GABRG3: variants seen among roughly 807,000 people sequenced by gnomAD.
The protein encoded by GABRG3 is gamma-aminobutyric acid type A receptor subunit gamma3.
GABRG3 carries 25 observed loss-of-function variants against 48.8 expected under a neutral mutation model. That is an observed-to-expected ratio of 0.51 (90% CI 0.37 to 0.72). The LOEUF (loss-of-function observed/expected upper bound fraction) is 0.72, where lower values mean the gene tolerates loss of function less well. GABRG3 is among the 30% of genes least tolerant of loss of function. The pLI is 0.00. For missense variants in GABRG3, 394 were observed against 577.9 expected, an observed-to-expected ratio of 0.68 and a Z score of 3.26; for synonymous variants, 227 against 217.6, an observed-to-expected ratio of 1.04 and a Z score of -0.38.
At chr15:26,988,295 G>T (rs184458252) in intron 2 of GABRG3, among the ~76,000 whole-genome samples, 16 of 152,216 alleles carry the variant, frequency 1.1e-4, no homozygotes, top group Non-Finnish European at 1.9e-4. Flanking sequence ...CAGTGTTTGA[G>T]TCATGAATTT....
intron 3 of GABRG3, chr15:27,158,537 A>G (rs538245874): frequency 2.6e-5 from 4 of 152,328 alleles, no homozygotes; most frequent in East Asian, 3.9e-4. Context: ...TTGTGCAATT[A>G]TAGCAGTAAT....
chr15:27,484,616 A>G (rs1890177387), intron 6 of GABRG3, among the ~76,000 whole-genome samples: 1 of 152,142 alleles, frequency 6.6e-6, no homozygotes, highest in Non-Finnish European at 1.5e-5. Context: ...TCATTCTCCA[A>G]TTAAAGGAAC....
At chr15:27,171,960 C>G (rs151337070) in intron 3 of GABRG3, among the ~76,000 whole-genome samples, 1 of 152,048 alleles carries the variant, frequency 6.6e-6, no homozygotes, top group Non-Finnish European at 1.5e-5. Flanking sequence ...AGAGTCCTCC[C>G]GAGGTGGAAG....
At position 27,520,055 on chromosome 15, in the gene GABRG3, C is replaced by T. The variant is rs1015241882; in HGVS notation, c.796C>T (p.Leu266=). The part of the protein sequence containing the change: ...FTIQTYIPCI[L]TVVLSWVSFW... ...CATTCAGACATACATTCCCTGTATACTGACTGTGGTTTTATCCTGGGTGTC... is the reference window on the plus strand; with the variant it reads ...CATTCAGACATACATTCCCTGTATATTGACTGTGGTTTTATCCTGGGTGTC... The change falls in exon 7 of 10, where the codon CTG becomes TTG. Residue 266 remains leucine, a synonymous_variant. Transcript: ENST00000615808. 6.2e-7 allele frequency: 1 copy of T among 1,601,304 alleles called. No homozygotes were observed. Among genetic ancestry groups the T allele is most frequent in the African/African-American group, 1.3e-5 (1 of 74,950 alleles).
rs529477374 is a variant in GABRG3 at position 27,397,904 on chromosome 15, G to A, written c.574+69016G>A. 3.3e-4 allele frequency among the ~76,000 whole-genome samples: 49 copies of A among 150,756 alleles called. No individual in the cohort carries two copies. In the South Asian group the frequency reaches 8.0e-3, roughly 25 times the overall value. ...ACTGCAAGCTCCGCCTCCCAGGTTC[G>A]TGTCATTCTCCTGCCTCAGCCTCCC... On this transcript the variant is annotated intron_variant, in intron 5 of 9. Transcript: ENST00000615808.
intron 3 of GABRG3, among the ~76,000 whole-genome samples, chr15:27,149,104 G>A (rs868308018): frequency 3.3e-5 from 5 of 151,996 alleles, no homozygotes; most frequent in South Asian, 4.1e-4. Flanking sequence ...AATTAAGAGC[G>A]TCTGCCCCCT....
chr15:27,340,850 T>C (rs1208211244), intron 5 of GABRG3: 1 of 299,486 alleles, frequency 3.3e-6, no homozygotes, highest in African/African-American at 2.2e-5. Context: ...ACGACTTTGC[T>C]AAGAAGAAAA....
At chr15:27,435,614 G>A (rs141377069) in intron 5 of GABRG3, among the ~76,000 whole-genome samples, 202 of 152,202 alleles carry the variant, frequency 1.3e-3, no homozygotes, top group South Asian at 2.3e-3. Context: ...AATGAATAGA[G>A]GGTGTACTTT....
intron 5 of GABRG3, among the ~76,000 whole-genome samples, chr15:27,336,804 C>T (rs2140525412): frequency 6.6e-6 from 1 of 152,296 alleles, no homozygotes; most frequent in South Asian, 2.1e-4. Context: ...ACTGTTGGTA[C>T]ATCCTTAAAA....
intron 5 of GABRG3, among the ~76,000 whole-genome samples, chr15:27,407,302 A>T (rs767999289): frequency 4.6e-5 from 7 of 152,206 alleles, no homozygotes; most frequent in Admixed American, 1.3e-4. Context: ...AATCCGGAAC[A>T]CTGACACCAG....
At chr15:27,360,578 C>A (rs954546285) in intron 5 of GABRG3, among the ~76,000 whole-genome samples, 1 of 152,138 alleles carries the variant, frequency 6.6e-6, no homozygotes, top group Non-Finnish European at 1.5e-5. Context: ...AAGAGCATTC[C>A]CCAATCCGAG....
chr15:27,206,167 C>A (rs186857169), intron 3 of GABRG3, among the ~76,000 whole-genome samples: 2 of 152,208 alleles, frequency 1.3e-5, no homozygotes, highest in East Asian at 3.9e-4. Context: ...TGAGATCTTT[C>A]TAACTTTTTG....
chr15:27,242,894 A>G, intron 3 of GABRG3, among the ~76,000 whole-genome samples: 1 of 152,256 alleles, frequency 6.6e-6, no homozygotes, highest in East Asian at 1.9e-4. Context: ...TGGTTGGGTT[A>G]TAAATATTAA....
intron 5 of GABRG3, among the ~76,000 whole-genome samples, chr15:27,414,010 G>A (rs1329745032): frequency 6.6e-6 from 1 of 152,172 alleles, no homozygotes; most frequent in Non-Finnish European, 1.5e-5. Context: ...CCTTAGAGAT[G>A]TTAATGCTCA....
At position 27,327,056 on chromosome 15, in the gene GABRG3, A is replaced by C. The variant is rs760558056; in HGVS notation, c.491+27A>C. The C allele has an allele frequency of 5.1e-6, 8 of 1,571,538 alleles. No homozygotes were observed. In the South Asian group the frequency reaches 9.0e-5, roughly 18 times the overall value. ...TAAGATGCTGCATCGATCTTTGATT[A>C]CTCCTGGTTTAAAATGGGATCCTTA... is the stretch of plus-strand genomic sequence containing the variant. On this transcript the variant is annotated intron_variant, in intron 4 of 9. Transcript: ENST00000615808.
intron 3 of GABRG3, among the ~76,000 whole-genome samples, chr15:27,170,521 A>G (rs1887530201): frequency 6.6e-6 from 1 of 152,234 alleles, no homozygotes; most frequent in South Asian, 2.1e-4. Flanking sequence ...GCTGATCCAA[A>G]AGAAAACAAG....
intron 5 of GABRG3, among the ~76,000 whole-genome samples, chr15:27,402,748 C>T (rs1426919963): frequency 1.3e-5 from 2 of 152,156 alleles, no homozygotes; most frequent in African/African-American, 4.8e-5. Context: ...ATTCAATATC[C>T]AGGGTTAATA....
intron 3 of GABRG3, among the ~76,000 whole-genome samples, chr15:27,223,958 A>G (rs1426119401): frequency 6.6e-6 from 1 of 152,224 alleles, no homozygotes; most frequent in African/African-American, 2.4e-5. Flanking sequence ...TTAACACTGT[A>G]TGTCTGCCTT....
At chr15:27,392,802 G>A (rs571563964) in intron 5 of GABRG3, among the ~76,000 whole-genome samples, 1 of 151,980 alleles carries the variant, frequency 6.6e-6, no homozygotes, top group Non-Finnish European at 1.5e-5. Flanking sequence ...TTATACTCTG[G>A]GTTATAACCC....
Sources: gnomAD v4.1 joint callset for allele counts (sites outside exome capture counted in the v4.1 genomes callset) on GRCh38, gnomAD v4.1.1 for gene constraint, MANE v1.5 for transcripts, NCBI Gene and HGNC (gene_info 2026-07-23, HGNC 2026-07-21) for gene names.